The following UBE2D2 variants were observed in gnomAD, a reference collection of about 807,000 sequenced individuals.
UBE2D2 encodes ubiquitin-conjugating enzyme E2 D2.
UBE2D2 carries 2 observed loss-of-function variants against 24.2 expected under a neutral mutation model. The observed-to-expected ratio is 0.08, with a 90% CI of 0.03 to 0.26. The LOEUF is 0.26. UBE2D2 is among the 10% of genes least tolerant of loss of function. The pLI, the probability that UBE2D2 is intolerant of heterozygous loss-of-function variation, is 1.00. For missense variants in UBE2D2, 44 were observed against 177.6 expected (o/e 0.25, Z 4.28); for synonymous variants, 58 against 56.5 (o/e 1.03, Z -0.12).
At chr5:139,571,440 C>T (rs943469546) in intron 1 of UBE2D2, among the ~76,000 whole-genome samples, 1 of 151,564 alleles carries the variant, frequency 6.6e-6, no homozygotes, top group Non-Finnish European at 1.5e-5. Context: ...CAGATTTCAG[C>T]TATCCACTTT....
intron 1 of UBE2D2, among the ~76,000 whole-genome samples, chr5:139,565,073 C>T (rs1026114630): frequency 2.6e-5 from 4 of 152,100 alleles, no homozygotes; most frequent in Admixed American, 6.6e-5. Context: ...TTGAACCTTC[C>T]CAATTATCAT....
chr5:139,548,176 AAAAAAAAT>A (rs1207272099), intron 1 of UBE2D2, among the ~76,000 whole-genome samples: 22 of 38,544 alleles, frequency 5.7e-4, no homozygotes, highest in East Asian at 1.5e-3. Flanking sequence ...AAAAAAAAAA[AAAAAAAAT>A]AAAAAAAAAA....
At chr5:139,614,334 G>C (rs762546292) in intron 2 of UBE2D2, among the ~76,000 whole-genome samples, 1 of 152,100 alleles carries the variant, frequency 6.6e-6, no homozygotes. Context: ...TTCTGGAAGT[G>C]TTGGGATTAC....
intron 1 of UBE2D2, among the ~76,000 whole-genome samples, chr5:139,593,563 T>C (rs1274635474): frequency 6.6e-6 from 1 of 152,010 alleles, no homozygotes; most frequent in African/African-American, 2.4e-5. Context: ...CACAAATAGG[T>C]ATTGATGTAT....
At chr5:139,561,193 CGTG>C (rs879335520), upstream of UBE2D2, 14 of 152,756 alleles carry the variant, frequency 9.2e-5, no homozygotes, top group African/African-American at 2.9e-4. Flanking sequence ...CCTCCGGGGC[CGTG>C]GCGGCGACGG....
chr5:139,581,550 C>A (rs1753603187), intron 1 of UBE2D2, among the ~76,000 whole-genome samples: 1 of 151,608 alleles, frequency 6.6e-6, no homozygotes, highest in African/African-American at 2.4e-5. Flanking sequence ...TTTGCATATA[C>A]ATAATGAAAT....
rs112599165 is a variant in UBE2D2, at chr5:139,561,747, C to A, written c.-45C>A. On this transcript the variant is annotated 5_prime_UTR_variant, in exon 1 of 7. Coordinates refer to ENST00000398733, the MANE Select transcript of UBE2D2 (RefSeq NM_003339.3). ...CCTAGCCCCTTCCCCGTCCCTTCCC[C>A]GCCCCCGTCCCCGCCCCGGGGGCCG... The A allele has an allele frequency of 1.4e-6, 2 of 1,418,108 alleles. No homozygotes were observed. Among genetic ancestry groups the A allele is most frequent in the Non-Finnish European group, 1.9e-6 (2 of 1,065,898 alleles). 87.8% of individuals were successfully genotyped at this position (1,418,108 alleles called of 1,614,324 possible).
chr5:139,548,181 A>AAAAAAAAAAAAAAAAAAAC (rs1752860856), intron 1 of UBE2D2, among the ~76,000 whole-genome samples: 1 of 35,814 alleles, frequency 2.8e-5, no homozygotes, highest in Non-Finnish European at 4.6e-5. Flanking sequence ...AAAAAAAAAA[A>AAAAAAAAAAAAAAAAAAAC]AATAAAAAAA....
intron 1 of UBE2D2, among the ~76,000 whole-genome samples, chr5:139,580,279 G>C (rs557557291): frequency 2.0e-4 from 30 of 152,020 alleles, no homozygotes; most frequent in Admixed American, 4.6e-4. Context: ...TGCCCAGGCT[G>C]GTCTCGAACT....
chr5:139,569,106 T>C (rs566136114), intron 1 of UBE2D2, among the ~76,000 whole-genome samples: 1 of 152,346 alleles, frequency 6.6e-6, no homozygotes, highest in African/African-American at 2.4e-5. Context: ...CTTTAATAAA[T>C]GGTTGTCTGA....
chr5:139,560,693 C>T (rs1367793821), upstream of UBE2D2, among the ~76,000 whole-genome samples: 2 of 152,180 alleles, frequency 1.3e-5, no homozygotes, highest in African/African-American at 4.8e-5. Context: ...TGGTACAGTG[C>T]TTGCTTGTAA....
At chr5:139,600,800 C>A (rs1561516427) in intron 2 of UBE2D2, among the ~76,000 whole-genome samples, 1 of 151,984 alleles carries the variant, frequency 6.6e-6, no homozygotes, top group Non-Finnish European at 1.5e-5. Context: ...GAAATCAGGT[C>A]TTTATTTATT....
chr5:139,602,944 G>C (rs1754115638), intron 2 of UBE2D2, among the ~76,000 whole-genome samples: 1 of 152,158 alleles, frequency 6.6e-6, no homozygotes, highest in Admixed American at 6.5e-5. Flanking sequence ...AGTAAGTGCT[G>C]TTACACACGT....
rs533607093 is a variant in UBE2D2 at position 139,584,437 on chromosome 5, C to A, written c.25-15935C>A. On this transcript the variant is annotated intron_variant, in intron 1 of 6. Transcript: ENST00000398733. ...CTATATTCTCTTCATAACACATTTC[C>A]ATCTCAGTGGTTGCTAAAGTACTCA... is the stretch of plus-strand genomic sequence containing the variant. Among the ~76,000 whole-genome samples, 3 of 142,714 alleles carry A rather than the reference C, an allele frequency of 2.1e-5. No homozygotes were observed. In the South Asian group the frequency reaches 6.7e-4, roughly 32 times the overall value. The allele number at this position is 142,714 out of a possible 152,430, so 93.6% of individuals were successfully genotyped here. A position where few individuals can be genotyped will look rare whatever the true frequency, so the allele number is the denominator to read the frequency against.
At chr5:139,535,290 CAAAAAAAA>C (rs527336000) in intron 1 of UBE2D2, among the ~76,000 whole-genome samples, 1 of 76,510 alleles carries the variant, frequency 1.3e-5, no homozygotes, top group African/African-American at 4.7e-5. Flanking sequence ...ACTAAAAATA[CAAAAAAAA>C]AAAAAAAAAG....
intron 1 of UBE2D2, among the ~76,000 whole-genome samples, chr5:139,549,212 C>G (rs1190689724): frequency 1.3e-5 from 2 of 152,136 alleles, no homozygotes; most frequent in African/African-American, 4.8e-5. Flanking sequence ...TCATTCTGGG[C>G]GCCTCCTCGG....
intron 1 of UBE2D2, among the ~76,000 whole-genome samples, chr5:139,545,800 T>C (rs1752819764): frequency 6.6e-6 from 1 of 151,612 alleles, no homozygotes; most frequent in South Asian, 2.1e-4. Context: ...CTCTGCTCAC[T>C]GTAACCTCCA....
intron 1 of UBE2D2, among the ~76,000 whole-genome samples, chr5:139,568,455 C>T (rs1202361900): frequency 1.3e-5 from 2 of 151,538 alleles, no homozygotes; most frequent in African/African-American, 4.9e-5. Context: ...GTCAGGAAAT[C>T]GAGACCATCC....
At chr5:139,609,144 T>C (rs1358266745) in intron 2 of UBE2D2, among the ~76,000 whole-genome samples, 3 of 152,132 alleles carry the variant, frequency 2.0e-5, no homozygotes, top group African/African-American at 7.2e-5. Context: ...CTGGTAGTAG[T>C]ATTAGCAGGA....
Sources: gnomAD v4.1 joint callset for allele counts (sites outside exome capture counted in the v4.1 genomes callset) on GRCh38, gnomAD v4.1.1 for gene constraint, MANE v1.5 for transcripts, NCBI Gene and HGNC (gene_info 2026-07-23, HGNC 2026-07-21) for gene names.